The following HS3ST4 variants were observed in gnomAD, a reference collection of about 807,000 sequenced individuals.
HS3ST4 encodes the protein heparan sulfate glucosamine 3-O-sulfotransferase 4.
Under a neutral mutation model 29.2 loss-of-function variants are expected in HS3ST4, and 17 were observed. That is an observed-to-expected ratio of 0.58 (90% confidence interval 0.40 to 0.87). The LOEUF is 0.87. HS3ST4 is among the 40% of genes least tolerant of loss of function. The pLI is 0.00. For synonymous variants in HS3ST4, 314 were observed against 285.7 expected, an observed-to-expected ratio of 1.10 and a Z score of -1.00; for missense variants, 627 against 634.5, an observed-to-expected ratio of 0.99 and a Z score of 0.13.
chr16:26,068,217 G>C (rs1898563031), intron 1 of HS3ST4, among the ~76,000 whole-genome samples: 1 of 152,156 alleles, frequency 6.6e-6, no homozygotes, highest in African/African-American at 2.4e-5. Context: ...ACTGGGGATA[G>C]ACATTATTCT....
chr16:25,838,026 G>T (rs1279383830), intron 1 of HS3ST4, among the ~76,000 whole-genome samples: 1 of 152,168 alleles, frequency 6.6e-6, no homozygotes, highest in Non-Finnish European at 1.5e-5. Context: ...ATTGAAAGGA[G>T]GCAGCCCAGC....
rs546456373 is a variant in HS3ST4, at chr16:25,912,484, G to C, written c.734+219333G>C. 7.0e-5 allele frequency among the ~76,000 whole-genome samples: 8 copies of C among 113,832 alleles called. No individual in the cohort carries two copies. In the South Asian group the frequency reaches 2.5e-3, roughly 36 times the overall value. The allele number at this position is 113,832 out of a possible 152,430, so 74.7% of individuals were successfully genotyped here. A position where few individuals can be genotyped will look rare whatever the true frequency, so the allele number is the denominator to read the frequency against. The stretch of plus-strand genomic sequence containing the variant: ...GGAAGGCTGAGTCAGCAGGAGCACT[G>C]TCCCTGCCCCACACACCTGCCTGCT... On this transcript the variant is annotated intron_variant, in intron 1 of 1. Coordinates refer to ENST00000331351, the MANE Select transcript of HS3ST4 (RefSeq NM_006040.3).
intron 1 of HS3ST4, among the ~76,000 whole-genome samples, chr16:25,790,011 A>C (rs1368172156): frequency 6.6e-6 from 1 of 152,224 alleles, no homozygotes; most frequent in Non-Finnish European, 1.5e-5. Context: ...TATTATAAAC[A>C]GTGCTGCTAT....
intron 1 of HS3ST4, among the ~76,000 whole-genome samples, chr16:25,800,404 CTCTT>C (rs1299295273): frequency 2.0e-5 from 3 of 150,862 alleles, no homozygotes; most frequent in Non-Finnish European, 4.4e-5. Context: ...CTCCCCCTCT[CTCTT>C]TTTCTCTCTC....
At chr16:25,838,445 A>G (rs1365673203) in intron 1 of HS3ST4, among the ~76,000 whole-genome samples, 1 of 152,182 alleles carries the variant, frequency 6.6e-6, no homozygotes, top group Non-Finnish European at 1.5e-5. Flanking sequence ...TCAGCTCTCA[A>G]GGAGCTCAGT....
chr16:25,980,359 T>A (rs1968991905), intron 1 of HS3ST4, among the ~76,000 whole-genome samples: 1 of 152,232 alleles, frequency 6.6e-6, no homozygotes, highest in Non-Finnish European at 1.5e-5. Context: ...GAACTCACTG[T>A]GGATGTCATT....
intron 1 of HS3ST4, among the ~76,000 whole-genome samples, chr16:25,892,541 G>A (rs935210939): frequency 1.3e-5 from 2 of 152,238 alleles, no homozygotes; most frequent in Non-Finnish European, 1.5e-5. Context: ...GAGTTGAAAC[G>A]GAAGAGAGAG....
At chr16:25,932,422 C>T (rs1282841876) in intron 1 of HS3ST4, among the ~76,000 whole-genome samples, 1 of 152,198 alleles carries the variant, frequency 6.6e-6, no homozygotes, top group Non-Finnish European at 1.5e-5. Flanking sequence ...TTATTACTTC[C>T]TTGCTGATAT....
intron 1 of HS3ST4, among the ~76,000 whole-genome samples, chr16:26,047,029 A>C (rs968222121): frequency 8.5e-5 from 13 of 152,336 alleles, no homozygotes; most frequent in African/African-American, 2.9e-4. Flanking sequence ...GTAAAAAGCT[A>C]TAGCTGCCTT....
chr16:26,119,818 CT>C (rs1899248181), intron 1 of HS3ST4, among the ~76,000 whole-genome samples: 1 of 152,154 alleles, frequency 6.6e-6, no homozygotes, highest in Non-Finnish European at 1.5e-5. Flanking sequence ...AATCATCTCC[CT>C]TCTTAGGAGC....
At chr16:25,827,265 C>T (rs1386555860) in intron 1 of HS3ST4, among the ~76,000 whole-genome samples, 1 of 152,050 alleles carries the variant, frequency 6.6e-6, no homozygotes, top group South Asian at 2.1e-4. Context: ...TCTCCTTGTC[C>T]GAGCCAGTAA....
chr16:25,786,849 A>G (rs1966858429), intron 1 of HS3ST4, among the ~76,000 whole-genome samples: 1 of 152,230 alleles, frequency 6.6e-6, no homozygotes, highest in South Asian at 2.1e-4. Flanking sequence ...TTCAAGAGTG[A>G]CAGCCACGTG....
intron 1 of HS3ST4, among the ~76,000 whole-genome samples, chr16:25,974,870 T>C (rs920147121): frequency 6.6e-6 from 1 of 152,154 alleles, no homozygotes; most frequent in Non-Finnish European, 1.5e-5. Flanking sequence ...CAGAATGACA[T>C]GAAAGTGCCA....
intron 1 of HS3ST4, among the ~76,000 whole-genome samples, chr16:25,828,797 T>G (rs190613131): frequency 6.6e-5 from 10 of 152,302 alleles, no homozygotes; most frequent in Admixed American, 5.2e-4. Context: ...TTGCTTAGGG[T>G]AATGGCCTCT....
chr16:26,034,804 A>G (rs1039209721), intron 1 of HS3ST4, among the ~76,000 whole-genome samples: 1 of 152,128 alleles, frequency 6.6e-6, no homozygotes, highest in African/African-American at 2.4e-5. Context: ...CTCCATAACT[A>G]CAAACATAAA....
At chr16:25,951,446 T>G (rs1968682529) in intron 1 of HS3ST4, among the ~76,000 whole-genome samples, 1 of 152,228 alleles carries the variant, frequency 6.6e-6, no homozygotes, top group Non-Finnish European at 1.5e-5. Context: ...AATACATTCC[T>G]AAATGTGTCT....
chr16:26,019,298 G>A (rs1341618378), intron 1 of HS3ST4, among the ~76,000 whole-genome samples: 6 of 152,070 alleles, frequency 3.9e-5, no homozygotes, highest in African/African-American at 1.2e-4. Context: ...GTATTTTCAC[G>A]TCCCAATCAT....
chr16:25,969,412 C>T (rs558747732), intron 1 of HS3ST4, among the ~76,000 whole-genome samples: 18 of 152,326 alleles, frequency 1.2e-4, no homozygotes, highest in African/African-American at 3.4e-4. Flanking sequence ...TGCTATCCAG[C>T]GCTGCTGGTG....
chr16:26,021,240 T>C (rs1969411001), intron 1 of HS3ST4, among the ~76,000 whole-genome samples: 1 of 152,212 alleles, frequency 6.6e-6, no homozygotes, highest in Non-Finnish European at 1.5e-5. Context: ...AATTTTTATA[T>C]ATGGGCGATT....
Sources: gnomAD v4.1 joint callset for allele counts (sites outside exome capture counted in the v4.1 genomes callset) on GRCh38, gnomAD v4.1.1 for gene constraint, MANE v1.5 for transcripts, NCBI Gene and HGNC (gene_info 2026-07-23, HGNC 2026-07-21) for gene names.